The following TRPC4 variants were observed in gnomAD, a reference collection of about 807,000 sequenced individuals.
The protein encoded by TRPC4 is short transient receptor potential channel 4.
A neutral mutation model predicts 99.4 loss-of-function variants in TRPC4; 49 were observed. The observed-to-expected ratio is 0.49, with a 90% CI of 0.39 to 0.63. The LOEUF is 0.63. Among genes scored for constraint, TRPC4 ranks in the 20% least tolerant of loss-of-function variants. The pLI, the probability that TRPC4 is intolerant of heterozygous loss-of-function variation, is 0.00. For missense variants in TRPC4, 898 were observed against 1,152.9 expected (o/e 0.78, Z 3.20); for synonymous variants, 454 against 425.9 (o/e 1.07, Z -0.81).
intron 2 of TRPC4, among the ~76,000 whole-genome samples, chr13:37,759,367 G>T (rs1055310922): frequency 6.6e-6 from 1 of 151,714 alleles, no homozygotes; most frequent in African/African-American, 2.4e-5. Context: ...CTTAAAGCAA[G>T]ATTGTAAACA....
At chr13:37,642,981 C>T (rs7331648) in intron 8 of TRPC4, among the ~76,000 whole-genome samples, 36,763 of 151,952 alleles carry the variant, frequency 0.24, 5,201 homozygotes, top group East Asian at 0.7. Context: ...CTGCCTGCCT[C>T]AATCTCCCAA....
Position 37,783,343 on chromosome 13 carries a change from C to T in TRPC4, c.-10G>A. 2 of 1,528,760 alleles carry T rather than the reference C, an allele frequency of 1.3e-6. No individual in the cohort carries two copies. The highest frequency in any genetic ancestry group is 1.8e-6 in the Non-Finnish European group (2 of 1,138,852). The allele number at this position is 1,528,760 out of a possible 1,614,324, so 94.7% of individuals were successfully genotyped here. A position where few individuals can be genotyped will look rare whatever the true frequency, so the allele number is the denominator to read the frequency against. On this transcript the variant is annotated 5_prime_UTR_variant, in exon 2 of 11. An upstream start codon of the reference 5' UTR is lost. Transcript: ENST00000379705. Reference sequence around the variant, plus strand: ...AATAGAACTGAGCCATGTTTCATGCCATGCTATTTCTTCGTCTCTGAAAGT... The same window carrying T: ...AATAGAACTGAGCCATGTTTCATGCTATGCTATTTCTTCGTCTCTGAAAGT...
chr13:37,793,913 A>G (rs924064423), intron 1 of TRPC4, among the ~76,000 whole-genome samples: 1 of 152,182 alleles, frequency 6.6e-6, no homozygotes, highest in Admixed American at 6.6e-5. Context: ...ATATGTGCAT[A>G]AAAGTAAACA....
rs547305465 is a variant in TRPC4 at position 37,740,634 on chromosome 13, A to C, written c.897+5303T>G. Among the ~76,000 whole-genome samples, 66 of 152,222 alleles carry C rather than the reference A, an allele frequency of 4.3e-4. 1 individual carries two copies. Among genetic ancestry groups the C allele is most frequent in the Middle Eastern group, 3.4e-3 (1 of 294 alleles). On this transcript the variant is annotated intron_variant, in intron 3 of 10. Coordinates refer to ENST00000379705, the MANE Select transcript of TRPC4 (RefSeq NM_016179.4). ...CTTGGTTGTACTAAGGCTACACCCTATGTGTTTCCTCTGTCCCTACATTCT... is the reference window on the plus strand; with the variant it reads ...CTTGGTTGTACTAAGGCTACACCCTCTGTGTTTCCTCTGTCCCTACATTCT...
At chr13:37,721,989 C>G (rs1371153129) in intron 3 of TRPC4, among the ~76,000 whole-genome samples, 2 of 151,998 alleles carry the variant, frequency 1.3e-5, no homozygotes, top group African/African-American at 4.8e-5. Flanking sequence ...CAAGAATTAC[C>G]ATTATTAGCA....
In TRPC4 at chr13:37,829,117, G is replaced by A. The variant is rs145838104; in HGVS notation, c.-28+40478C>T. 2.6e-4 allele frequency among the ~76,000 whole-genome samples: 40 copies of A among 152,232 alleles called. No individual in the cohort carries two copies. The East Asian group carries it at 7.3e-3, about 28-fold the overall frequency. ...AACCAAAGAAAAAATAGATAAGCTG[G>A]ATGTTATCAAAATTAAAACGCTTTT... On this transcript the variant is annotated intron_variant, in intron 1 of 10. Coordinates refer to ENST00000379705, the MANE Select transcript of TRPC4 (RefSeq NM_016179.4).
chr13:37,809,690 TA>T (rs1483156250), intron 1 of TRPC4, among the ~76,000 whole-genome samples: 1 of 152,048 alleles, frequency 6.6e-6, no homozygotes, highest in Non-Finnish European at 1.5e-5. Flanking sequence ...AGTACAACTC[TA>T]AATAAAAGCA....
chr13:37,784,472 T>C (rs540096931), intron 1 of TRPC4, among the ~76,000 whole-genome samples: 1 of 152,214 alleles, frequency 6.6e-6, no homozygotes, highest in Non-Finnish European at 1.5e-5. Flanking sequence ...AAGTATTACA[T>C]CTTGAGTATG....
intron 3 of TRPC4, among the ~76,000 whole-genome samples, chr13:37,725,428 G>C (rs1212178598): frequency 1.3e-5 from 2 of 151,952 alleles, no homozygotes; most frequent in African/African-American, 4.8e-5. Flanking sequence ...TCCACACCAA[G>C]ACACATTATA....
At chr13:37,829,305 A>T (rs1010781958) in intron 1 of TRPC4, among the ~76,000 whole-genome samples, 2 of 152,224 alleles carry the variant, frequency 1.3e-5, no homozygotes, top group African/African-American at 4.8e-5. Flanking sequence ...TGTGCAAAGA[A>T]TATAAACAGA....
At chr13:37,768,363 G>A (rs1230397341) in intron 2 of TRPC4, among the ~76,000 whole-genome samples, 1 of 151,472 alleles carries the variant, frequency 6.6e-6, no homozygotes, top group Non-Finnish European at 1.5e-5. Context: ...CACGCGGAGA[G>A]CCATGTTACC....
intron 3 of TRPC4, among the ~76,000 whole-genome samples, chr13:37,702,110 T>C (rs1269749712): frequency 6.6e-6 from 1 of 152,188 alleles, no homozygotes; most frequent in Non-Finnish European, 1.5e-5. Flanking sequence ...GACAGCTGTG[T>C]CATTCCAATC....
At chr13:37,647,074 G>T (rs1951877386) in intron 8 of TRPC4, among the ~76,000 whole-genome samples, 1 of 152,156 alleles carries the variant, frequency 6.6e-6, no homozygotes, top group Admixed American at 6.5e-5. Context: ...AGAGCTAGTT[G>T]TATCAGTATT....
intron 7 of TRPC4, among the ~76,000 whole-genome samples, chr13:37,654,129 T>C (rs1952141798): frequency 6.6e-6 from 1 of 152,120 alleles, no homozygotes; most frequent in Admixed American, 6.6e-5. Flanking sequence ...GTGATGAGTG[T>C]CTTATGAGAA....
intron 4 of TRPC4, among the ~76,000 whole-genome samples, chr13:37,685,015 AT>A (rs1446584088): frequency 6.6e-6 from 1 of 152,118 alleles, no homozygotes; most frequent in Non-Finnish European, 1.5e-5. Flanking sequence ...TATGTTTTAG[AT>A]TAGAAAAAAG....
intron 3 of TRPC4, among the ~76,000 whole-genome samples, chr13:37,696,188 G>A (rs1188680827): frequency 1.3e-5 from 2 of 152,020 alleles, no homozygotes; most frequent in Non-Finnish European, 2.9e-5. Flanking sequence ...GATCTCATGA[G>A]ACTTATTCAC....
intron 3 of TRPC4, among the ~76,000 whole-genome samples, chr13:37,737,442 T>C (rs958214469): frequency 5.9e-5 from 9 of 152,066 alleles, no homozygotes; most frequent in Non-Finnish European, 1.0e-4. Context: ...CTATATCCAA[T>C]TCATAGACCT....
chr13:37,719,779 G>T (rs1184928610), intron 3 of TRPC4, among the ~76,000 whole-genome samples: 2 of 152,016 alleles, frequency 1.3e-5, no homozygotes. Flanking sequence ...ACAGAATAAT[G>T]CCCTCCCTCC....
intron 2 of TRPC4, among the ~76,000 whole-genome samples, chr13:37,778,006 T>C (rs554071394): frequency 1.3e-5 from 2 of 152,168 alleles, no homozygotes; most frequent in East Asian, 1.9e-4. Context: ...GTGTCTGGGG[T>C]CACAATTAAT....
Sources: gnomAD v4.1 joint callset for allele counts (sites outside exome capture counted in the v4.1 genomes callset) on GRCh38, gnomAD v4.1.1 for gene constraint, MANE v1.5 for transcripts, NCBI Gene and HGNC (gene_info 2026-07-23, HGNC 2026-07-21) for gene names.